The following FGF2 variants were observed in gnomAD, a reference collection of about 807,000 sequenced individuals.
FGF2 encodes the protein basic fibroblast growth factor bFGF.
A neutral mutation model predicts 15.9 loss-of-function variants in FGF2; 13 were observed. The observed-to-expected ratio is 0.82, with a 90% CI of 0.53 to 1.30. The LOEUF (loss-of-function observed/expected upper bound fraction) is 1.30, where lower values mean the gene tolerates loss of function less well. FGF2 is among the 50% of genes most tolerant of loss of function. The probability of loss-of-function intolerance (pLI) is 0.00; values close to 1 mark genes in which losing one functional copy is unlikely to be tolerated. For synonymous variants in FGF2, 90 were observed against 78.4 expected, an observed-to-expected ratio of 1.15 and a Z score of -0.78; for missense variants, 163 against 196.9, an observed-to-expected ratio of 0.83 and a Z score of 1.03.
rs1350730600 is a variant in FGF2 at position 122,892,272 on chromosome 4, AC to A, written c.346del (p.Arg116GlyfsTer12). ...TTGGAATCTAATAACTACAATACTT[AC>A]CGGTCAAGGAAATACACCAGTTGGT... ...ERLESNNYNT[Y>X]RSRKYTSWYV... On this transcript the variant is annotated frameshift_variant, in exon 3 of 3. Transcript: ENST00000644866. LOFTEE classifies it high-confidence loss of function. The A allele has an allele frequency of 6.2e-7, 1 of 1,613,916 alleles. No homozygotes were observed. Among genetic ancestry groups the A allele is most frequent in the East Asian group, 2.2e-5 (1 of 44,880 alleles).
chr4:122,874,746 A>T (rs1726805759), intron 1 of FGF2, among the ~76,000 whole-genome samples: 1 of 152,116 alleles, frequency 6.6e-6, no homozygotes, highest in Non-Finnish European at 1.5e-5. Context: ...AACATAAATT[A>T]CTATGACATA....
intron 2 of FGF2, among the ~76,000 whole-genome samples, chr4:122,891,792 T>A (rs1020942321): frequency 6.6e-6 from 1 of 152,206 alleles, no homozygotes; most frequent in African/African-American, 2.4e-5. Flanking sequence ...GTAAAAATGA[T>A]CCCTGATTGG....
chr4:122,877,572 G>A (rs1331410191), intron 2 of FGF2, among the ~76,000 whole-genome samples: 1 of 152,180 alleles, frequency 6.6e-6, no homozygotes, highest in Non-Finnish European at 1.5e-5. Context: ...ATAAAGAATG[G>A]TGCAGGAAAA....
rs1578484273 is a variant in FGF2, at chr4:122,892,657, T to C, written c.*261T>C. On this transcript the variant is annotated 3_prime_UTR_variant, in exon 3 of 3. Transcript: ENST00000644866. The stretch of plus-strand genomic sequence containing the variant: ...CTAGAGCAATGATCTTTTTCACGCA[T>C]TTGCTTTATTCGAAAAGAGGCTTTT... The C allele has an allele frequency of 7.1e-7, 1 of 1,402,660 alleles. No individual in the cohort carries two copies. The highest frequency in any genetic ancestry group is 2.5e-5 in the East Asian group (1 of 39,710). 86.9% of individuals were successfully genotyped at this position (1,402,660 alleles called of 1,614,324 possible).
rs572087253 is a variant in FGF2 at position 122,872,294 on chromosome 4, C to T, written c.179-4027C>T. On this transcript the variant is annotated intron_variant, in intron 1 of 2. Coordinates refer to ENST00000644866, the MANE Select transcript of FGF2 (RefSeq NM_001361665.2). ...ATATCAGAATTTGAAGACCACCTTG[C>T]TGAAATAAGGCATGCAGACAAGACT... is the stretch of plus-strand genomic sequence containing the variant. Among the ~76,000 whole-genome samples the T allele has an allele frequency of 5.7e-4, 87 of 152,140 alleles. 1 individual carries two copies. The South Asian group carries it at 0.018, about 31-fold the overall frequency.
intron 1 of FGF2, among the ~76,000 whole-genome samples, chr4:122,832,967 C>T (rs929121979): frequency 6.6e-6 from 1 of 152,192 alleles, no homozygotes; most frequent in Non-Finnish European, 1.5e-5. Flanking sequence ...GAGCCATAGA[C>T]TGTGGTTCTT....
chr4:122,893,264 C>T lies in FGF2; in HGVS notation c.*868C>T, dbSNP rs1727245889. 2.6e-6 allele frequency: 4 copies of T among 1,531,994 alleles called. No individual in the cohort carries two copies. Among genetic ancestry groups the T allele is most frequent in the Non-Finnish European group, 3.5e-6 (4 of 1,140,070 alleles). The allele number at this position is 1,531,994 out of a possible 1,614,324, so 94.9% of individuals were successfully genotyped here. ...GAGATGTACAAATCAATAATAATTA[C>T]ACTTTTAGAAACTGTATCATCAAAG... On this transcript the variant is annotated 3_prime_UTR_variant, in exon 3 of 3. Transcript: ENST00000644866.
At chr4:122,865,693 C>G (rs1328677523) in intron 1 of FGF2, among the ~76,000 whole-genome samples, 1 of 152,152 alleles carries the variant, frequency 6.6e-6, no homozygotes, top group East Asian at 1.9e-4. Context: ...TGATTTCAGT[C>G]ATTTCAAATG....
chr4:122,838,910 A>T (rs111861619), intron 1 of FGF2, among the ~76,000 whole-genome samples: 7 of 152,338 alleles, frequency 4.6e-5, no homozygotes, highest in African/African-American at 1.7e-4. Flanking sequence ...TGCAGACCTC[A>T]TGTATGATGG....
intron 1 of FGF2, among the ~76,000 whole-genome samples, chr4:122,864,704 A>T (rs1481821849): frequency 6.6e-6 from 1 of 152,120 alleles, no homozygotes; most frequent in South Asian, 2.1e-4. Context: ...TGGTATTTTT[A>T]TTCTAGATTG....
At chr4:122,830,572 C>T (rs1319623515) in intron 1 of FGF2, among the ~76,000 whole-genome samples, 1 of 152,100 alleles carries the variant, frequency 6.6e-6, no homozygotes, top group Admixed American at 6.5e-5. Context: ...TTCTCCTTCT[C>T]CAGCATGTGC....
rs1727426996 is a variant in FGF2 at position 122,898,228 on chromosome 4, T to C, written c.*5832T>C. 6.6e-6 allele frequency: 1 copy of C among 152,298 alleles called. No homozygotes were observed. The highest frequency in any genetic ancestry group is 6.5e-5 in the Admixed American group (1 of 15,286). The allele number at this position is 152,298 out of a possible 1,614,324, so 9.4% of individuals were successfully genotyped here. A position where few individuals can be genotyped will look rare whatever the true frequency, so the allele number is the denominator to read the frequency against. ...TAAAATTGATTAGTTTGTGTTTTCT[T>C]GTCTCCCATTTCTTTGTGTCTTCTT... On this transcript the variant is annotated 3_prime_UTR_variant, in exon 3 of 3. Transcript: ENST00000644866.
intron 1 of FGF2, among the ~76,000 whole-genome samples, chr4:122,849,740 A>C (rs1057351685): frequency 3.3e-5 from 5 of 152,168 alleles, no homozygotes; most frequent in African/African-American, 7.2e-5. Context: ...GTAGGAGGGA[A>C]TGCTGTCTCT....
At chr4:122,833,757 G>A (rs1007036100) in intron 1 of FGF2, among the ~76,000 whole-genome samples, 24 of 152,154 alleles carry the variant, frequency 1.6e-4, no homozygotes, top group African/African-American at 5.8e-4. Context: ...AAAGTTTACA[G>A]TTTTCTTGGT....
Position 122,895,340 on chromosome 4 carries a change from T to A in FGF2, c.*2944T>A, listed in dbSNP as rs1022957677. On this transcript the variant is annotated 3_prime_UTR_variant, in exon 3 of 3. Coordinates refer to ENST00000644866, the MANE Select transcript of FGF2 (RefSeq NM_001361665.2). Reference sequence around the variant, plus strand: ...TTTTATTTTTGCTGATGAAGAGATATGTTTAAATATGTTGTATTGTTTTGT... The same window carrying A: ...TTTTATTTTTGCTGATGAAGAGATAAGTTTAAATATGTTGTATTGTTTTGT... 6.6e-6 allele frequency: 1 copy of A among 152,208 alleles called. No individual in the cohort carries two copies. Among genetic ancestry groups the A allele is most frequent in the African/African-American group, 2.4e-5 (1 of 41,444 alleles). 9.4% of individuals were successfully genotyped at this position (152,208 alleles called of 1,614,324 possible).
chr4:122,850,416 A>G (rs769390226), intron 1 of FGF2, among the ~76,000 whole-genome samples: 3 of 152,218 alleles, frequency 2.0e-5, no homozygotes, highest in Non-Finnish European at 4.4e-5. Context: ...CTTAAACAGA[A>G]TTAATTTCTG....
chr4:122,879,025 T>G (rs1356714207), intron 2 of FGF2, among the ~76,000 whole-genome samples: 2 of 152,196 alleles, frequency 1.3e-5, no homozygotes, highest in Non-Finnish European at 2.9e-5. Flanking sequence ...CAGTCTACAT[T>G]GATTGTTAGA....
rs567759692 is a variant in FGF2, at chr4:122,861,180, C to A, written c.179-15141C>A. On this transcript the variant is annotated intron_variant, in intron 1 of 2. Coordinates refer to ENST00000644866, the MANE Select transcript of FGF2 (RefSeq NM_001361665.2). Reference sequence around the variant, plus strand: ...TTTTGAGAAGATCGCAGCCACTTTACATCTCCCTGTAGGGATTAGGCACAG... The same window carrying A: ...TTTTGAGAAGATCGCAGCCACTTTAAATCTCCCTGTAGGGATTAGGCACAG... Among the ~76,000 whole-genome samples, 17 of 152,292 alleles carry A rather than the reference C, an allele frequency of 1.1e-4. No homozygotes were observed. The South Asian group carries it at 3.3e-3, about 30-fold the overall frequency.
intron 1 of FGF2, among the ~76,000 whole-genome samples, chr4:122,863,289 G>T (rs1446491387): frequency 6.6e-6 from 1 of 151,994 alleles, no homozygotes; most frequent in Non-Finnish European, 1.5e-5. Flanking sequence ...CTTTAGTTTG[G>T]CCTTTGAAAA....
Sources: gnomAD v4.1 joint callset for allele counts (sites outside exome capture counted in the v4.1 genomes callset) on GRCh38, gnomAD v4.1.1 for gene constraint, MANE v1.5 for transcripts, NCBI Gene and HGNC (gene_info 2026-07-23, HGNC 2026-07-21) for gene names.